Variants in GPHN observed in about 807,000 individuals in gnomAD.
GPHN encodes gephyrin.
A neutral mutation model predicts 95.5 loss-of-function variants in GPHN; 17 were observed. That is an observed-to-expected ratio of 0.18 (90% CI 0.12 to 0.27). The LOEUF (loss-of-function observed/expected upper bound fraction) is 0.27, where lower values mean the gene tolerates loss of function less well. Ranked by LOEUF, GPHN falls within the 10% of genes least tolerant of loss-of-function variation. The probability of loss-of-function intolerance (pLI) is 1.00; values close to 1 mark genes in which losing one functional copy is unlikely to be tolerated. For synonymous variants in GPHN, 320 were observed against 322.5 expected (o/e 0.99, Z 0.08); for missense variants, 660 against 978.1 (o/e 0.67, Z 4.34).
intron 4 of GPHN, among the ~76,000 whole-genome samples, chr14:66,838,887 G>A (rs1355102194): frequency 6.6e-6 from 1 of 152,142 alleles, no homozygotes; most frequent in African/African-American, 2.4e-5. Context: ...TGAATTAGAA[G>A]GGCAGAATAT....
chr14:66,766,130 G>A (rs1450685458), intron 2 of GPHN, among the ~76,000 whole-genome samples: 2 of 152,188 alleles, frequency 1.3e-5, no homozygotes, highest in African/African-American at 2.4e-5. Context: ...AATTCCTAGT[G>A]TGGAAGACTG....
chr14:67,456,577 G>C, the GPHN span, among the ~76,000 whole-genome samples: 1 of 151,286 alleles, frequency 6.6e-6, no homozygotes, highest in African/African-American at 2.4e-5. Flanking sequence ...ACTCCAGCCT[G>C]GGCAAGAAGA....
the GPHN span, among the ~76,000 whole-genome samples, chr14:67,633,100 G>A: frequency 2.6e-5 from 4 of 152,096 alleles, no homozygotes; most frequent in Non-Finnish European, 5.9e-5. Flanking sequence ...GATTACAGGC[G>A]TGAGCCACTG....
the GPHN span, among the ~76,000 whole-genome samples, chr14:67,539,973 C>T: frequency 2.0e-5 from 3 of 152,098 alleles, no homozygotes; most frequent in Non-Finnish European, 2.9e-5. Flanking sequence ...AGGGGAGAAG[C>T]ACGATTGGTG....
chr14:67,058,765 A>G lies in GPHN; in HGVS notation c.1123A>G (p.Thr375Ala). The change falls in exon 11 of 23, where the codon ACA becomes GCA. Residue 375 changes from threonine (T) to alanine (A), a missense_variant. This residue lies in a region of GPHN where 257 missense variants were observed against 376.2 expected (regional missense o/e 0.68). Coordinates refer to ENST00000478722, the MANE Select transcript of GPHN (RefSeq NM_020806.5). ...TVLEMTPVLG[T>A]EIINYRDGMG... ...CCTGGAGATGACTCCGGTGCTTGGG[A>G]CAGAAATCATCAATTACCGAGGTAC... is the stretch of plus-strand genomic sequence containing the variant. 1 of 1,613,840 alleles carries G rather than the reference A, an allele frequency of 6.2e-7. No homozygotes were observed. The highest frequency in any genetic ancestry group is 2.2e-5 in the East Asian group (1 of 44,874).
chr14:66,869,275 G>C (rs2063340480), intron 4 of GPHN, among the ~76,000 whole-genome samples: 3 of 152,136 alleles, frequency 2.0e-5, no homozygotes, highest in Non-Finnish European at 1.5e-5. Flanking sequence ...ACCTTTATTT[G>C]TCTGTATTGT....
At chr14:66,802,348 T>A (rs2060386651) in intron 3 of GPHN, among the ~76,000 whole-genome samples, 1 of 152,118 alleles carries the variant, frequency 6.6e-6, no homozygotes. Context: ...GGTCTTGAAC[T>A]CACCCTTCAG....
intron 16 of GPHN, among the ~76,000 whole-genome samples, chr14:67,113,704 G>A (rs1004396413): frequency 2.0e-5 from 3 of 152,042 alleles, no homozygotes; most frequent in Non-Finnish European, 4.4e-5. Context: ...ATCTCTAGTG[G>A]CATGATATTT....
intron 10 of GPHN, among the ~76,000 whole-genome samples, chr14:67,056,811 TG>T (rs113249755): frequency 0.12 from 12,179 of 103,906 alleles, 572 homozygotes; most frequent in African/African-American, 0.18. Flanking sequence ...ACAGTGGGGG[TG>T]GGGGGGGGTC....
At chr14:67,295,092 T>C in the GPHN span, 1 of 146,414 alleles carries the variant, frequency 6.8e-6, no homozygotes, top group Non-Finnish European at 1.5e-5. Context: ...GTATTTGATT[T>C]TGAGATATTG....
intron 1 of GPHN, among the ~76,000 whole-genome samples, chr14:66,621,516 C>T (rs558979161): frequency 6.6e-6 from 1 of 151,726 alleles, no homozygotes; most frequent in African/African-American, 2.4e-5. Flanking sequence ...GCTCCACCCC[C>T]TGGGTTCACA....
intron 1 of GPHN, among the ~76,000 whole-genome samples, chr14:66,532,080 C>T (rs1470432382): frequency 6.6e-6 from 1 of 152,194 alleles, no homozygotes; most frequent in African/African-American, 2.4e-5. Flanking sequence ...CAAGACGTAG[C>T]CTGTTGTAAG....
At chr14:67,224,663 C>A in the GPHN span, 1 of 319,458 alleles carries the variant, frequency 3.1e-6, no homozygotes, top group Non-Finnish European at 6.1e-6. Context: ...ATGGGCTTAT[C>A]TCTGATTCTT....
chr14:66,554,375 A>C (rs1052323599), intron 1 of GPHN, among the ~76,000 whole-genome samples: 3 of 152,182 alleles, frequency 2.0e-5, no homozygotes, highest in Non-Finnish European at 4.4e-5. Flanking sequence ...GCTATAAAGG[A>C]TACTACCTGA....
chr14:66,733,536 A>G (rs1338075862), intron 2 of GPHN, among the ~76,000 whole-genome samples: 2 of 152,056 alleles, frequency 1.3e-5, no homozygotes, highest in Non-Finnish European at 2.9e-5. Flanking sequence ...TTAAGCTTCT[A>G]TTTCTTATGC....
the GPHN span, among the ~76,000 whole-genome samples, chr14:67,693,941 A>C: frequency 1.3e-5 from 2 of 152,106 alleles, no homozygotes; most frequent in African/African-American, 4.8e-5. Context: ...GTGAGTCACC[A>C]AGCCCAGCCT....
chr14:66,851,742 A>C (rs1201376515), intron 4 of GPHN, among the ~76,000 whole-genome samples: 1 of 152,140 alleles, frequency 6.6e-6, no homozygotes. Flanking sequence ...TTTTCTATTA[A>C]GAAATGAGAT....
At chr14:67,527,896 C>T in the GPHN span, among the ~76,000 whole-genome samples, 1 of 152,140 alleles carries the variant, frequency 6.6e-6, no homozygotes, top group African/African-American at 2.4e-5. Flanking sequence ...TTCCTGTCAG[C>T]GAAAGTAGTG....
chr14:67,174,858 A>C (rs948175859), intron 21 of GPHN, among the ~76,000 whole-genome samples: 1 of 152,140 alleles, frequency 6.6e-6, no homozygotes, highest in Non-Finnish European at 1.5e-5. Flanking sequence ...TCATATGTCT[A>C]TTGGCTGTAA....
Sources: allele counts gnomAD v4.1 joint callset (sites outside exome capture counted in the v4.1 genomes callset), GRCh38; gene constraint gnomAD v4.1.1; regional missense constraint gnomAD v4.1.1; transcripts MANE v1.5; gene names NCBI Gene and HGNC (gene_info 2026-07-23, HGNC 2026-07-21).